The following PUS10 variants were observed in gnomAD, a reference collection of about 807,000 sequenced individuals.
The protein encoded by PUS10 is tRNA pseudouridine synthase Pus10.
In PUS10, 59 loss-of-function variants were observed where a neutral mutation model predicts 75.0. That is an observed-to-expected ratio of 0.79 (90% CI 0.64 to 0.98). The LOEUF is 0.98. Among genes scored for constraint, PUS10 ranks in the 50% least tolerant of loss-of-function variants. The probability of loss-of-function intolerance (pLI) is 0.00; values close to 1 mark genes in which losing one functional copy is unlikely to be tolerated. For missense variants in PUS10, 650 were observed against 614.4 expected (o/e 1.06, Z -0.61); for synonymous variants, 219 against 211.6 (o/e 1.03, Z -0.30).
rs78551218 is a variant in PUS10, at chr2:60,952,334, C to CA, written c.1308+662dup. Among the ~76,000 whole-genome samples the CA allele has an allele frequency of 1.5e-3, 148 of 100,124 alleles. 1 individual carries two copies. Among genetic ancestry groups the CA allele is most frequent in the East Asian group, 8.6e-3 (15 of 1,744 alleles). The allele number at this position is 100,124 out of a possible 152,430, so 65.7% of individuals were successfully genotyped here. ...GGGCGACAAGAGCAAGACTCTGTCTCAAAAAAAAAAAAAAAAAAGAAAAAA... is the reference window on the plus strand; with the variant it reads ...GGGCGACAAGAGCAAGACTCTGTCTCAAAAAAAAAAAAAAAAAAAGAAAAAA... On this transcript the variant is annotated intron_variant, in intron 15 of 17. Transcript: ENST00000316752.
chr2:60,952,966 G>T lies in PUS10; in HGVS notation c.1308+31C>A, dbSNP rs774297213. ...GATCTTTGATAGGCAACAGAAAAATGAAATAAAAAGAATAAGCACACTTAA... is the reference window on the plus strand; with the variant it reads ...GATCTTTGATAGGCAACAGAAAAATTAAATAAAAAGAATAAGCACACTTAA... On this transcript the variant is annotated intron_variant, in intron 15 of 17. Coordinates refer to ENST00000316752, the MANE Select transcript of PUS10 (RefSeq NM_144709.4). The T allele has an allele frequency of 5.5e-5, 64 of 1,156,062 alleles. No homozygotes were observed. In the Middle Eastern group the frequency reaches 1.0e-3, roughly 19 times the overall value. The allele number at this position is 1,156,062 out of a possible 1,614,324, so 71.6% of individuals were successfully genotyped here.
intron 15 of PUS10, among the ~76,000 whole-genome samples, chr2:60,952,511 C>T (rs1558872584): frequency 6.6e-6 from 1 of 152,024 alleles, no homozygotes; most frequent in Non-Finnish European, 1.5e-5. Context: ...GTGTTTTATT[C>T]ATGTATTTAA....
At chr2:60,989,872 G>A (rs765606296) in intron 4 of PUS10, among the ~76,000 whole-genome samples, 11 of 151,982 alleles carry the variant, frequency 7.2e-5, no homozygotes, top group Non-Finnish European at 1.0e-4. Flanking sequence ...TGATCCATCC[G>A]CCTCGGCCTC....
chr2:60,976,386 CT>C (rs1345777527), intron 4 of PUS10, among the ~76,000 whole-genome samples: 2 of 152,236 alleles, frequency 1.3e-5, no homozygotes, highest in African/African-American at 4.8e-5. Flanking sequence ...CTATCTGTCT[CT>C]TCTTTAAGGA....
intron 16 of PUS10, among the ~76,000 whole-genome samples, chr2:60,945,615 T>C (rs1674897361): frequency 6.6e-6 from 1 of 152,228 alleles, no homozygotes; most frequent in Non-Finnish European, 1.5e-5. Context: ...TAGTTTAGTC[T>C]TAATGATGGC....
At chr2:61,012,867 A>T (rs11125862) in intron 1 of PUS10, among the ~76,000 whole-genome samples, 1,340 of 26,304 alleles carry the variant, frequency 0.051, 31 homozygotes, top group Non-Finnish European at 0.059. Flanking sequence ...AAAAAAAAAA[A>T]ATATATATAT....
chr2:60,982,015 A>G (rs1371991316), intron 4 of PUS10, among the ~76,000 whole-genome samples: 4 of 152,136 alleles, frequency 2.6e-5, no homozygotes, highest in Non-Finnish European at 5.9e-5. Flanking sequence ...ATTAATCAAA[A>G]TTTGACTCAA....
intron 4 of PUS10, among the ~76,000 whole-genome samples, chr2:60,979,301 C>T (rs1235149037): frequency 6.6e-6 from 1 of 152,170 alleles, no homozygotes; most frequent in Non-Finnish European, 1.5e-5. Flanking sequence ...TTTCCTCCTT[C>T]TCCTCCTCCC....
At chr2:60,978,299 G>A (rs1677164549) in intron 4 of PUS10, among the ~76,000 whole-genome samples, 2 of 151,920 alleles carry the variant, frequency 1.3e-5, no homozygotes, top group Admixed American at 1.3e-4. Context: ...GTGCGCACCT[G>A]TAATCCCAGC....
chr2:60,987,227 T>C (rs1419167971), intron 4 of PUS10, among the ~76,000 whole-genome samples: 3 of 152,190 alleles, frequency 2.0e-5, no homozygotes, highest in African/African-American at 7.2e-5. Context: ...GTGCAAGACG[T>C]AATGAATGAC....
rs147089209 is a variant in PUS10, at chr2:60,970,427, T to C, written c.503+1096A>G. 9.3e-3 allele frequency among the ~76,000 whole-genome samples: 1,417 copies of C among 152,340 alleles called. 13 individuals are homozygous for C. Among genetic ancestry groups the C allele is most frequent in the Middle Eastern group, 0.037 (11 of 294 alleles). On this transcript the variant is annotated intron_variant, in intron 5 of 17. Coordinates refer to ENST00000316752, the MANE Select transcript of PUS10 (RefSeq NM_144709.4). ...CCTGGATTTTTCTCTCCAGAGTACATAGGTACTGCCAACAGTCATATGGCC... is the reference window on the plus strand; with the variant it reads ...CCTGGATTTTTCTCTCCAGAGTACACAGGTACTGCCAACAGTCATATGGCC...
At chr2:61,003,116 T>C (rs1457964759) in intron 4 of PUS10, among the ~76,000 whole-genome samples, 1 of 152,212 alleles carries the variant, frequency 6.6e-6, no homozygotes, top group Non-Finnish European at 1.5e-5. Flanking sequence ...AACAAAAATA[T>C]AGACTTTTCT....
chr2:60,994,306 T>A (rs1035031743), intron 4 of PUS10, among the ~76,000 whole-genome samples: 2 of 151,688 alleles, frequency 1.3e-5, no homozygotes, highest in African/African-American at 2.4e-5. Flanking sequence ...AAAACTTCAT[T>A]GGGACTTCCA....
chr2:60,967,670 G>C (rs1170028252), intron 5 of PUS10, 57 bp from the exon 6 acceptor site: 8 of 1,190,752 alleles, frequency 6.7e-6, no homozygotes, highest in Middle Eastern at 2.0e-4. Context: ...TTCTATTAAA[G>C]GCAAGAATTT....
At position 61,018,166 on chromosome 2, in the gene PUS10, G is replaced by A; in HGVS notation, c.-174C>T. 1 of 1,550,736 alleles carries A rather than the reference G, an allele frequency of 6.4e-7. No individual in the cohort carries two copies. The highest frequency in any genetic ancestry group is 8.7e-7 in the Non-Finnish European group (1 of 1,146,874). ...CTTCTGTTTTCACTTTGACAGAATGGCTTCTCTATCTTTAAAGCGTAGACT... is the reference window on the plus strand; with the variant it reads ...CTTCTGTTTTCACTTTGACAGAATGACTTCTCTATCTTTAAAGCGTAGACT... On this transcript the variant is annotated 5_prime_UTR_variant, in exon 1 of 18. Transcript: ENST00000316752.
chr2:60,962,802 CTT>C (rs1384396042), intron 9 of PUS10, 22 bp downstream of exon 9: 1 of 1,575,648 alleles, frequency 6.3e-7, no homozygotes, highest in Non-Finnish European at 8.6e-7. Context: ...CACGATGCTT[CTT>C]TGTTTCTAAA....
At chr2:61,001,106 T>C (rs1280035710) in intron 4 of PUS10, among the ~76,000 whole-genome samples, 30 of 152,200 alleles carry the variant, frequency 2.0e-4, no homozygotes, top group Non-Finnish European at 5.9e-5. Flanking sequence ...TTTCTCTATA[T>C]CATGCATCAG....
chr2:60,981,469 A>G (rs1388649921), intron 4 of PUS10, among the ~76,000 whole-genome samples: 5 of 151,458 alleles, frequency 3.3e-5, no homozygotes, highest in Admixed American at 3.3e-4. Flanking sequence ...TTTAGTGGAG[A>G]TGGGGTTTCA....
chr2:60,989,901 A>G (rs1041806875), intron 4 of PUS10, among the ~76,000 whole-genome samples: 2 of 152,200 alleles, frequency 1.3e-5, no homozygotes, highest in African/African-American at 4.8e-5. Flanking sequence ...CTAAGATTAC[A>G]GGCATGAGCC....
Sources: gnomAD v4.1 joint callset for allele counts (sites outside exome capture counted in the v4.1 genomes callset) on GRCh38, gnomAD v4.1.1 for gene constraint, MANE v1.5 for transcripts, NCBI Gene and HGNC (gene_info 2026-07-23, HGNC 2026-07-21) for gene names.